TMCO1: variants seen among roughly 807,000 people sequenced by gnomAD.
The protein encoded by TMCO1 is calcium load-activated calcium channel.
TMCO1 carries 29 observed loss-of-function variants against 29.3 expected under a neutral mutation model. That is an observed-to-expected ratio of 0.99 (90% confidence interval 0.74 to 1.35). The LOEUF (loss-of-function observed/expected upper bound fraction) is 1.35. Ranked by LOEUF, TMCO1 falls within the 40% of genes most tolerant of loss-of-function variation. The probability of loss-of-function intolerance (pLI) is 0.00; values close to 1 mark genes in which losing one functional copy is unlikely to be tolerated. For synonymous variants in TMCO1, 80 were observed against 77.1 expected (o/e 1.04, Z -0.20); for missense variants, 173 against 225.5 (o/e 0.77, Z 1.49).
chr1:165,733,067 C>T (rs1190114938), intron 6 of TMCO1, among the ~76,000 whole-genome samples: 2 of 152,092 alleles, frequency 1.3e-5, no homozygotes, highest in East Asian at 3.9e-4. Flanking sequence ...TATGTATGTC[C>T]TCATTTAAAT....
intron 6 of TMCO1, among the ~76,000 whole-genome samples, chr1:165,740,496 C>T (rs566413121): frequency 1.1e-4 from 16 of 152,208 alleles, no homozygotes; most frequent in Middle Eastern, 3.4e-3. Context: ...TGAGCCACCG[C>T]GCCTGGCCCA....
At chr1:165,762,913 G>A (rs981369387) in intron 2 of TMCO1, among the ~76,000 whole-genome samples, 2 of 152,024 alleles carry the variant, frequency 1.3e-5, no homozygotes, top group Non-Finnish European at 2.9e-5. Flanking sequence ...CCTTTCATTA[G>A]TATATATTAT....
intron 5 of TMCO1, among the ~76,000 whole-genome samples, chr1:165,747,011 A>C (rs528656500): frequency 1.3e-5 from 2 of 152,204 alleles, no homozygotes; most frequent in African/African-American, 2.4e-5. Flanking sequence ...CTGTAATCCC[A>C]GCATTTTGGG....
chr1:165,754,491 T>A (rs910838277), intron 3 of TMCO1, among the ~76,000 whole-genome samples: 3 of 152,152 alleles, frequency 2.0e-5, no homozygotes, highest in Non-Finnish European at 4.4e-5. Context: ...ATCTTTAGTG[T>A]TTTTTTGAAA....
chr1:165,725,541 G>A, downstream of TMCO1: 1 of 454,082 alleles, frequency 2.2e-6, no homozygotes, highest in South Asian at 1.6e-5. Flanking sequence ...GCAGATATTA[G>A]TAATGGCTGT....
chr1:165,736,449 G>T (rs1651389491), intron 6 of TMCO1, among the ~76,000 whole-genome samples: 1 of 151,914 alleles, frequency 6.6e-6, no homozygotes, highest in Admixed American at 6.6e-5. Flanking sequence ...CGGGCGCGGG[G>T]GCTCACGCCT....
At chr1:165,768,386 T>A in intron 1 of TMCO1, 117 bp from the exon 2 acceptor site, 4 of 1,490,590 alleles carry the variant, frequency 2.7e-6, no homozygotes, top group Non-Finnish European at 3.7e-6. Flanking sequence ...TTACCCATAG[T>A]TAACTTTTTT....
chr1:165,737,893 T>G (rs1359165766), intron 6 of TMCO1, among the ~76,000 whole-genome samples: 1 of 152,326 alleles, frequency 6.6e-6, no homozygotes, highest in Admixed American at 6.5e-5. Flanking sequence ...AGGTGAAGAT[T>G]CAGGCAATCC....
intron 3 of TMCO1, among the ~76,000 whole-genome samples, chr1:165,755,780 T>C (rs1255892863): frequency 6.6e-6 from 1 of 152,212 alleles, no homozygotes; most frequent in Non-Finnish European, 1.5e-5. Flanking sequence ...CCTGGCACCA[T>C]ACCTTGTTGA....
At chr1:165,765,530 C>T (rs185120366) in intron 2 of TMCO1, among the ~76,000 whole-genome samples, 1 of 152,368 alleles carries the variant, frequency 6.6e-6, no homozygotes, top group Admixed American at 6.5e-5. Context: ...GATCCACCCA[C>T]CTCAGCCTCC....
chr1:165,747,031 C>T (rs2101802065), intron 5 of TMCO1, among the ~76,000 whole-genome samples: 1 of 152,140 alleles, frequency 6.6e-6, no homozygotes, highest in Non-Finnish European at 1.5e-5. Context: ...GAGGCTGAGG[C>T]AGGTGGATCA....
intron 5 of TMCO1, among the ~76,000 whole-genome samples, chr1:165,745,774 C>T (rs1651774718): frequency 6.6e-6 from 1 of 152,074 alleles, no homozygotes; most frequent in African/African-American, 2.4e-5. Flanking sequence ...AGATGTACAG[C>T]CTTTAACTTC....
chr1:165,745,793 G>C (rs756760900), intron 5 of TMCO1, among the ~76,000 whole-genome samples: 55 of 152,242 alleles, frequency 3.6e-4, no homozygotes, highest in Admixed American at 7.2e-4. Flanking sequence ...TCTAGGTGCT[G>C]ACAATCTAAG....
At chr1:165,763,920 C>T (rs1188871853) in intron 2 of TMCO1, among the ~76,000 whole-genome samples, 1 of 152,222 alleles carries the variant, frequency 6.6e-6, no homozygotes, top group Non-Finnish European at 1.5e-5. Flanking sequence ...AGCCACTGCA[C>T]CTGGCCTCAA....
chr1:165,749,100 G>C (rs959779764), intron 5 of TMCO1, among the ~76,000 whole-genome samples: 20 of 152,254 alleles, frequency 1.3e-4, no homozygotes, highest in Non-Finnish European at 1.0e-4. Context: ...AAGACATCTT[G>C]ATTCCTTCCA....
Position 165,736,439 on chromosome 1 carries a change from C to T in TMCO1, c.468+6728G>A, listed in dbSNP as rs1032636171. 2.6e-5 allele frequency among the ~76,000 whole-genome samples: 4 copies of T among 151,848 alleles called. No homozygotes were observed. In the East Asian group the frequency reaches 5.8e-4, roughly 22 times the overall value. ...TATACTGTTACTTAAGAGAACAGGC[C>T]GGGCGCGGGGGCTCACGCCTGTAAT... On this transcript the variant is annotated intron_variant, in intron 6 of 6. Transcript: ENST00000367881.
intron 5 of TMCO1, 49 bp downstream of exon 5, chr1:165,752,053 A>C (rs1652011141): frequency 7.0e-7 from 1 of 1,421,232 alleles, no homozygotes; most frequent in Non-Finnish European, 9.9e-7. Flanking sequence ...ACATACATAC[A>C]AATATAGAGT....
chr1:165,744,647 G>A (rs569852259), intron 5 of TMCO1, among the ~76,000 whole-genome samples: 79 of 151,998 alleles, frequency 5.2e-4, no homozygotes, highest in Admixed American at 4.5e-3. Flanking sequence ...AAAATTAGCC[G>A]GGCATGGTGG....
intron 3 of TMCO1, among the ~76,000 whole-genome samples, chr1:165,756,528 G>A (rs1652199640): frequency 6.6e-6 from 1 of 152,014 alleles, no homozygotes; most frequent in South Asian, 2.1e-4. Flanking sequence ...TATACCAAAA[G>A]TAAATTCATT....
Sources: allele counts gnomAD v4.1 joint callset (sites outside exome capture counted in the v4.1 genomes callset), GRCh38; gene constraint gnomAD v4.1.1; transcripts MANE v1.5; gene names NCBI Gene and HGNC (gene_info 2026-07-23, HGNC 2026-07-21).